Variants in TOGARAM1 observed in about 807,000 individuals in gnomAD.
TOGARAM1 encodes TOG array regulator of axonemal microtubules 1.
TOGARAM1 carries 100 observed loss-of-function variants against 166.6 expected under a neutral mutation model. The observed-to-expected ratio is 0.60, with a 90% CI of 0.51 to 0.71. TOGARAM1 has a LOEUF of 0.71. TOGARAM1 is among the 30% of genes least tolerant of loss of function. The probability of loss-of-function intolerance (pLI) is 0.00; values close to 1 mark genes in which losing one functional copy is unlikely to be tolerated. For synonymous variants in TOGARAM1, 758 were observed against 763.8 expected, an observed-to-expected ratio of 0.99 and a Z score of 0.13; for missense variants, 2,029 against 2,102.7, an observed-to-expected ratio of 0.96 and a Z score of 0.69.
rs766012391 is a variant in TOGARAM1 at position 45,032,247 on chromosome 14, C to T, written c.3683C>T (p.Ser1228Leu). 1.1e-5 allele frequency: 17 copies of T among 1,612,836 alleles called. No homozygotes were observed. The highest frequency in any genetic ancestry group is 1.6e-4 in the Middle Eastern group (1 of 6,082). The change falls in exon 11 of 20, where the codon TCA becomes TTA. Residue 1228 changes from serine (S) to leucine (L), a missense_variant. Transcript: ENST00000361462. ...GGTGAAACACCTACTGGAGCTATTT[C>T]ACAGTATAAAGAAAGGATGCCTTCT... ...SESETPTGAI[S>L]QYKERMPSVT...
chr14:45,060,933 T>C (rs937137384), intron 16 of TOGARAM1, among the ~76,000 whole-genome samples: 2 of 152,228 alleles, frequency 1.3e-5, no homozygotes, highest in Admixed American at 6.5e-5. Context: ...TTAATAGATA[T>C]CTTTGGAAAC....
intron 1 of TOGARAM1, among the ~76,000 whole-genome samples, chr14:44,983,664 A>G (rs1296415292): frequency 6.6e-6 from 1 of 152,250 alleles, no homozygotes; most frequent in Admixed American, 6.5e-5. Flanking sequence ...ATTTGATAAG[A>G]AATTAGAAAA....
intron 11 of TOGARAM1, among the ~76,000 whole-genome samples, chr14:45,036,153 A>C (rs1881426247): frequency 1.3e-5 from 2 of 150,556 alleles, no homozygotes; most frequent in Non-Finnish European, 3.0e-5. Context: ...AAAAAAAAAA[A>C]AAAAGTTTTA....
intron 11 of TOGARAM1, among the ~76,000 whole-genome samples, chr14:45,040,567 A>C (rs1249357819): frequency 6.6e-6 from 1 of 152,226 alleles, no homozygotes; most frequent in Non-Finnish European, 1.5e-5. Context: ...CAAGAAAAAG[A>C]AGAGAAAAAT....
intron 1 of TOGARAM1, among the ~76,000 whole-genome samples, chr14:44,983,583 G>A (rs538410562): frequency 6.6e-6 from 1 of 152,044 alleles, no homozygotes; most frequent in Admixed American, 6.6e-5. Context: ...TAAACTAAGG[G>A]GCAATTAAAA....
In TOGARAM1 at chr14:45,048,703, G is replaced by A. The variant is rs891057333; in HGVS notation, c.4313+2000G>A. Among the ~76,000 whole-genome samples, 8 of 152,042 alleles carry A rather than the reference G, an allele frequency of 5.3e-5. 1 individual carries two copies. Among genetic ancestry groups the A allele is most frequent in the South Asian group, 4.2e-4 (2 of 4,816 alleles). ...GTTATAAGACTGAGGTCAGCTGGGC[G>A]TGGTGGCTCACACCTATAATCCCAG... On this transcript the variant is annotated intron_variant, in intron 14 of 19. Transcript: ENST00000361462.
At chr14:45,057,331 C>T (rs985581281) in intron 16 of TOGARAM1, among the ~76,000 whole-genome samples, 17 of 152,002 alleles carry the variant, frequency 1.1e-4, no homozygotes, top group African/African-American at 3.9e-4. Context: ...ATCTTTGTTA[C>T]TTATTTTGTT....
At chr14:44,987,606 C>A (rs947158875) in intron 1 of TOGARAM1, among the ~76,000 whole-genome samples, 2 of 151,024 alleles carry the variant, frequency 1.3e-5, no homozygotes, top group Non-Finnish European at 2.9e-5. Flanking sequence ...CAGGAAACAA[C>A]AGGTGCTGGA....
At chr14:44,978,693 G>C (rs1332170463) in intron 1 of TOGARAM1, among the ~76,000 whole-genome samples, 1 of 151,756 alleles carries the variant, frequency 6.6e-6, no homozygotes, top group Non-Finnish European at 1.5e-5. Context: ...AGCTACTTGG[G>C]AGACTCAGGT....
In TOGARAM1 at chr14:44,964,337, C is replaced by T. The variant is rs200647599; in HGVS notation, c.1916C>T (p.Ser639Phe). The stretch of plus-strand genomic sequence containing the variant: ...AGGGATAGCATGCACATTTATGGAT[C>T]TTACAGCCCAACTATCTGTACCCGA... Reference protein sequence around the residue: ...HVRDSMHIYGSYSPTICTRRV... With the variant: ...HVRDSMHIYGFYSPTICTRRV... Residue 639 changes from serine (S) to phenylalanine (F), a missense_variant, in exon 1 of 20, where the codon TCT becomes TTT. Transcript: ENST00000361462. 6.8e-6 allele frequency: 11 copies of T among 1,614,150 alleles called. No individual in the cohort carries two copies. The African/African-American group carries it at 1.1e-4, about 16-fold the overall frequency.
intron 14 of TOGARAM1, among the ~76,000 whole-genome samples, chr14:45,050,440 A>C (rs1882305898): frequency 6.6e-6 from 1 of 151,318 alleles, no homozygotes; most frequent in Non-Finnish European, 1.5e-5. Flanking sequence ...TTTTGTAGAG[A>C]TGGGGTGTTG....
At chr14:45,006,330 T>C in intron 5 of TOGARAM1, 63 bp downstream of exon 5, 1 of 1,229,428 alleles carries the variant, frequency 8.1e-7, no homozygotes, top group Non-Finnish European at 1.1e-6. Flanking sequence ...ATAGTTGCTA[T>C]TTAAGGAAAA....
intron 1 of TOGARAM1, among the ~76,000 whole-genome samples, chr14:44,972,354 G>A (rs1018463922): frequency 6.6e-6 from 1 of 152,036 alleles, no homozygotes; most frequent in African/African-American, 2.4e-5. Flanking sequence ...TCTGTTGTTG[G>A]ATAAAGTAAT....
intron 1 of TOGARAM1, among the ~76,000 whole-genome samples, chr14:44,964,693 A>G (rs1885414929): frequency 6.6e-6 from 1 of 152,152 alleles, no homozygotes; most frequent in African/African-American, 2.4e-5. Flanking sequence ...GACACATGTG[A>G]TATAGACAAT....
chr14:45,040,619 A>G (rs1323364757), intron 11 of TOGARAM1, among the ~76,000 whole-genome samples: 1 of 152,238 alleles, frequency 6.6e-6, no homozygotes, highest in African/African-American at 2.4e-5. Context: ...ACTACTGATC[A>G]TACAGCTGTT....
At chr14:45,001,106 T>G (rs1343248368) in intron 3 of TOGARAM1, among the ~76,000 whole-genome samples, 1 of 152,222 alleles carries the variant, frequency 6.6e-6, no homozygotes, top group East Asian at 1.9e-4. Flanking sequence ...ACCAGCAGTG[T>G]ACAAGCATTC....
At chr14:45,043,476 C>G (rs1341018276) in intron 11 of TOGARAM1, among the ~76,000 whole-genome samples, 1 of 152,060 alleles carries the variant, frequency 6.6e-6, no homozygotes, top group East Asian at 1.9e-4. Flanking sequence ...GCACCCAGCC[C>G]ACATTGCACT....
At chr14:44,995,371 C>A in intron 1 of TOGARAM1, 1 of 422,402 alleles carries the variant, frequency 2.4e-6, no homozygotes, top group Non-Finnish European at 4.8e-6. Flanking sequence ...TGTTCAGTGA[C>A]CTTCAACTGG....
Position 44,963,908 on chromosome 14 carries a change from G to A in TOGARAM1, c.1487G>A (p.Cys496Tyr), listed in dbSNP as rs761111144. ...GAGGAGGTGGTGAACATTTGCATCT[G>A]CTCCCTGCTGACCTATCCTAGTGAG... The part of the protein sequence containing the change: ...VREEVVNICI[C>Y]SLLTYPSEDF... Residue 496 changes from cysteine (C) to tyrosine (Y), a missense_variant, in exon 1 of 20, where the codon TGC becomes TAC. Coordinates refer to ENST00000361462, the MANE Select transcript of TOGARAM1 (RefSeq NM_001308120.2). 2.5e-6 allele frequency: 4 copies of A among 1,613,864 alleles called. No individual in the cohort carries two copies. The highest frequency in any genetic ancestry group is 3.4e-6 in the Non-Finnish European group (4 of 1,179,756).
Sources: gnomAD v4.1 joint callset for allele counts (sites outside exome capture counted in the v4.1 genomes callset) on GRCh38, gnomAD v4.1.1 for gene constraint, MANE v1.5 for transcripts, NCBI Gene and HGNC (gene_info 2026-07-23, HGNC 2026-07-21) for gene names.